The following STK33 variants were observed in gnomAD, a reference collection of about 807,000 sequenced individuals.
STK33 encodes the protein serine/threonine-protein kinase 33.
A neutral mutation model predicts 58.0 loss-of-function variants in STK33; 52 were observed. The ratio of observed to expected loss-of-function variants is 0.90; its 90% confidence interval spans 0.72 to 1.13. STK33 has a LOEUF of 1.13. Ranked by LOEUF, STK33 falls within the 50% of genes most tolerant of loss-of-function variation. The pLI is 0.00. For synonymous variants in STK33, 215 were observed against 200.1 expected, an observed-to-expected ratio of 1.07 and a Z score of -0.63; for missense variants, 630 against 604.2, an observed-to-expected ratio of 1.04 and a Z score of -0.45.
chr11:8,475,236 A>C (rs566084533), intron 4 of STK33, 170 bp from the exon 5 acceptor site: 1 of 203,546 alleles, frequency 4.9e-6, no homozygotes, highest in Admixed American at 6.0e-5. Context: ...CATCTTATCA[A>C]ACTGCGTAGT....
intron 14 of STK33, among the ~76,000 whole-genome samples, chr11:8,433,406 TTCTC>T (rs1022748958): frequency 4.6e-5 from 7 of 152,230 alleles, no homozygotes; most frequent in East Asian, 3.8e-4. Flanking sequence ...CTGGGACCTC[TTCTC>T]TCTATCTGTA....
chr11:8,588,228 G>A (rs1325069262), intron 1 of STK33, among the ~76,000 whole-genome samples: 1 of 152,158 alleles, frequency 6.6e-6, no homozygotes, highest in Non-Finnish European at 1.5e-5. Flanking sequence ...ATTCTGAGGG[G>A]ACACAAACAT....
chr11:8,498,340 T>C (rs928029600), intron 1 of STK33, among the ~76,000 whole-genome samples: 9 of 152,072 alleles, frequency 5.9e-5, no homozygotes, highest in Non-Finnish European at 8.8e-5. Context: ...CCATTCACAA[T>C]TGCTACAAAG....
chr11:8,403,541 A>C (rs1431686954), intron 15 of STK33, among the ~76,000 whole-genome samples: 1 of 152,220 alleles, frequency 6.6e-6, no homozygotes, highest in African/African-American at 2.4e-5. Flanking sequence ...GGACGGTTAC[A>C]TCAAGGGCTG....
At chr11:8,351,925 G>A in the STK33 span, among the ~76,000 whole-genome samples, 1 of 152,234 alleles carries the variant, frequency 6.6e-6, no homozygotes, top group African/African-American at 2.4e-5. Flanking sequence ...GAAAATGAGA[G>A]AAACCCTAAA....
At chr11:8,446,797 C>A (rs183003107) in intron 11 of STK33, among the ~76,000 whole-genome samples, 4 of 152,250 alleles carry the variant, frequency 2.6e-5, no homozygotes, top group African/African-American at 9.6e-5. Context: ...TCCTTCCTTA[C>A]ACCTTATACA....
At chr11:8,346,032 GCAGA>G in the STK33 span, among the ~76,000 whole-genome samples, 1 of 152,152 alleles carries the variant, frequency 6.6e-6, no homozygotes, top group Non-Finnish European at 1.5e-5. Flanking sequence ...CCACATCCTG[GCAGA>G]AAACAGATGG....
intron 11 of STK33, among the ~76,000 whole-genome samples, chr11:8,445,607 C>T (rs1176032616): frequency 2.6e-5 from 4 of 151,608 alleles, no homozygotes; most frequent in Non-Finnish European, 4.4e-5. Context: ...TGAATTTTAT[C>T]AAAGGCTTTT....
chr11:8,443,793 G>A (rs1945062128), intron 11 of STK33, among the ~76,000 whole-genome samples: 1 of 152,152 alleles, frequency 6.6e-6, no homozygotes, highest in Admixed American at 6.5e-5. Context: ...GAACCCAGGA[G>A]TTTGAGATCA....
chr11:8,341,648 C>A, the STK33 span, among the ~76,000 whole-genome samples: 1 of 152,240 alleles, frequency 6.6e-6, no homozygotes, highest in Non-Finnish European at 1.5e-5. Context: ...GCCAAGGAGT[C>A]CATGTCCTGG....
intron 1 of STK33, among the ~76,000 whole-genome samples, chr11:8,534,060 A>C (rs538392357): frequency 6.6e-5 from 10 of 152,244 alleles, no homozygotes; most frequent in Non-Finnish European, 1.5e-5. Flanking sequence ...GGATCACCTG[A>C]GGTCAGGAGT....
chr11:8,500,817 C>A (rs926037731), intron 1 of STK33, among the ~76,000 whole-genome samples: 1 of 152,128 alleles, frequency 6.6e-6, no homozygotes, highest in Non-Finnish European at 1.5e-5. Context: ...CACTGTGGTA[C>A]TGGCCTACAA....
chr11:8,582,012 T>C (rs530129578), intron 1 of STK33, among the ~76,000 whole-genome samples: 4 of 152,350 alleles, frequency 2.6e-5, no homozygotes, highest in African/African-American at 9.6e-5. Context: ...CCAAAATGAC[T>C]ATAGTGCTCC....
At chr11:8,589,063 G>A (rs184079247) in intron 1 of STK33, among the ~76,000 whole-genome samples, 2 of 152,260 alleles carry the variant, frequency 1.3e-5, no homozygotes, top group East Asian at 1.9e-4. Flanking sequence ...ATACATTGCC[G>A]TTGGGAATGC....
chr11:8,435,258 G>T (rs1039946258), intron 14 of STK33, among the ~76,000 whole-genome samples: 13 of 152,092 alleles, frequency 8.5e-5, no homozygotes, highest in African/African-American at 3.1e-4. Flanking sequence ...ATACTTTCAT[G>T]ACACTGAGCA....
At chr11:8,499,518 C>T (rs1951341865) in intron 1 of STK33, among the ~76,000 whole-genome samples, 1 of 152,130 alleles carries the variant, frequency 6.6e-6, no homozygotes, top group Non-Finnish European at 1.5e-5. Flanking sequence ...AGTGGCAATT[C>T]CTCAAGGATC....
At chr11:8,426,047 G>C (rs567950231) in intron 14 of STK33, among the ~76,000 whole-genome samples, 1 of 152,180 alleles carries the variant, frequency 6.6e-6, no homozygotes, top group African/African-American at 2.4e-5. Flanking sequence ...TAGACCCCCT[G>C]CCTCATCACA....
the STK33 span, among the ~76,000 whole-genome samples, chr11:8,385,107 C>G: frequency 6.6e-6 from 1 of 152,204 alleles, no homozygotes; most frequent in Non-Finnish European, 1.5e-5. Context: ...ACCATCACCT[C>G]TAATCCATCA....
At chr11:8,582,156 T>C (rs2030445831) in intron 1 of STK33, among the ~76,000 whole-genome samples, 1 of 152,260 alleles carries the variant, frequency 6.6e-6, no homozygotes, top group African/African-American at 2.4e-5. Context: ...TTGTTGGCTC[T>C]ATTTTGAAGA....
Sources: allele counts gnomAD v4.1 joint callset (sites outside exome capture counted in the v4.1 genomes callset), GRCh38; gene constraint gnomAD v4.1.1; transcripts MANE v1.5; gene names NCBI Gene and HGNC (gene_info 2026-07-23, HGNC 2026-07-21).